STXBP5L: variants seen among roughly 807,000 people sequenced by gnomAD.
STXBP5L encodes syntaxin binding protein 5L, also known as syntaxin-binding protein 5-like.
A neutral mutation model predicts 144.5 loss-of-function variants in STXBP5L; 65 were observed. That is an observed-to-expected ratio of 0.45 (90% CI 0.37 to 0.55). STXBP5L has a LOEUF of 0.55. Ranked by LOEUF, STXBP5L falls within the 20% of genes least tolerant of loss-of-function variation. The pLI is 0.00. For synonymous variants in STXBP5L, 505 were observed against 469.6 expected (o/e 1.08, Z -0.97); for missense variants, 1,298 against 1,405.5 (o/e 0.92, Z 1.22).
chr3:121,217,624 T>C (rs933866229), intron 10 of STXBP5L, among the ~76,000 whole-genome samples: 1 of 152,176 alleles, frequency 6.6e-6, no homozygotes, highest in African/African-American at 2.4e-5. Context: ...CTGTTCCTAT[T>C]TGGCCATCTT....
intron 7 of STXBP5L, among the ~76,000 whole-genome samples, chr3:121,129,822 T>A (rs2044888613): frequency 6.6e-6 from 1 of 152,012 alleles, no homozygotes; most frequent in African/African-American, 2.4e-5. Flanking sequence ...TTATAACTCA[T>A]AAGATTCATG....
chr3:121,140,240 T>A (rs1199433329), intron 7 of STXBP5L, among the ~76,000 whole-genome samples: 1 of 152,072 alleles, frequency 6.6e-6, no homozygotes, highest in African/African-American at 2.4e-5. Context: ...GAATTGCCAT[T>A]ATCAAAAAGA....
At chr3:121,143,977 T>C (rs2045612767) in intron 7 of STXBP5L, among the ~76,000 whole-genome samples, 1 of 151,448 alleles carries the variant, frequency 6.6e-6, no homozygotes, top group African/African-American at 2.4e-5. Flanking sequence ...AAAACAAAAA[T>C]AAACATGTAG....
At chr3:120,960,069 C>CA (rs1266769340) in intron 3 of STXBP5L, among the ~76,000 whole-genome samples, 4 of 152,004 alleles carry the variant, frequency 2.6e-5, no homozygotes, top group African/African-American at 9.7e-5. Flanking sequence ...CAGAAAAAAA[C>CA]AAACAACCCC....
intron 9 of STXBP5L, among the ~76,000 whole-genome samples, chr3:121,169,017 A>T (rs753798357): frequency 1.1e-4 from 16 of 152,242 alleles, no homozygotes; most frequent in Non-Finnish European, 2.1e-4. Context: ...AAGCCAGAAG[A>T]GAGTGGGGAC....
At chr3:121,295,589 T>G (rs1394017091) in intron 19 of STXBP5L, among the ~76,000 whole-genome samples, 1 of 152,110 alleles carries the variant, frequency 6.6e-6, no homozygotes, top group Non-Finnish European at 1.5e-5. Flanking sequence ...CCTAGCAGTA[T>G]GTGTGAATTT....
chr3:121,265,114 A>G (rs953555342), intron 18 of STXBP5L, among the ~76,000 whole-genome samples: 26 of 152,236 alleles, frequency 1.7e-4, no homozygotes, highest in African/African-American at 6.0e-4. Context: ...CAGCTCTGGA[A>G]CAAGTGGACC....
intron 2 of STXBP5L, among the ~76,000 whole-genome samples, chr3:120,920,498 A>G (rs1709310218): frequency 6.6e-6 from 1 of 151,836 alleles, no homozygotes; most frequent in Admixed American, 6.6e-5. Flanking sequence ...CTTTATGCTA[A>G]AAACATTAGA....
chr3:121,382,510 T>A (rs1369267986), intron 22 of STXBP5L, among the ~76,000 whole-genome samples: 1 of 152,040 alleles, frequency 6.6e-6, no homozygotes, highest in African/African-American at 2.4e-5. Context: ...TTAGTTGGAG[T>A]CAAATCAGTG....
intron 2 of STXBP5L, among the ~76,000 whole-genome samples, chr3:120,916,264 T>C (rs1462441569): frequency 6.6e-6 from 1 of 152,158 alleles, no homozygotes; most frequent in Non-Finnish European, 1.5e-5. Context: ...AAATATTGTA[T>C]TTGTTTTAGT....
At chr3:121,151,632 C>T (rs1240121023) in intron 7 of STXBP5L, among the ~76,000 whole-genome samples, 1 of 152,022 alleles carries the variant, frequency 6.6e-6, no homozygotes, top group African/African-American at 2.4e-5. Flanking sequence ...AGGAATACTA[C>T]TAATGTATTT....
intron 22 of STXBP5L, among the ~76,000 whole-genome samples, chr3:121,395,973 T>C (rs1560053884): frequency 6.6e-6 from 1 of 152,222 alleles, no homozygotes; most frequent in Non-Finnish European, 1.5e-5. Context: ...GTTTCAGGTG[T>C]CTTGATGGTA....
intron 19 of STXBP5L, among the ~76,000 whole-genome samples, chr3:121,301,920 T>C (rs1316783697): frequency 1.3e-5 from 2 of 152,178 alleles, no homozygotes; most frequent in Non-Finnish European, 2.9e-5. Flanking sequence ...TGGATAAGCG[T>C]TTTGATGTAC....
At chr3:121,053,272 C>G (rs1299518409) in intron 5 of STXBP5L, among the ~76,000 whole-genome samples, 1 of 152,126 alleles carries the variant, frequency 6.6e-6, no homozygotes, top group Non-Finnish European at 1.5e-5. Context: ...CAAAAAAATC[C>G]CCCATTGCCA....
intron 2 of STXBP5L, 30 bp downstream of exon 2, chr3:120,909,797 A>C: frequency 6.3e-7 from 1 of 1,583,384 alleles, no homozygotes; most frequent in African/African-American, 1.4e-5. Flanking sequence ...AAAGCCTATT[A>C]TTTCTTTATT....
chr3:121,048,820 G>A (rs1361253052), intron 5 of STXBP5L, among the ~76,000 whole-genome samples: 3 of 152,128 alleles, frequency 2.0e-5, no homozygotes, highest in South Asian at 4.2e-4. Context: ...TGAGTAGCTG[G>A]GACTACAGGT....
At chr3:121,145,927 G>C (rs1458867516) in intron 7 of STXBP5L, among the ~76,000 whole-genome samples, 1 of 152,012 alleles carries the variant, frequency 6.6e-6, no homozygotes, top group Non-Finnish European at 1.5e-5. Context: ...CCAGTTTATT[G>C]AGCTTAGGAT....
chr3:121,294,745 A>G (rs2051580613), intron 19 of STXBP5L, among the ~76,000 whole-genome samples: 1 of 152,108 alleles, frequency 6.6e-6, no homozygotes, highest in Admixed American at 6.6e-5. Flanking sequence ...GTTGCCAGGG[A>G]GAAGAGAAAA....
chr3:121,182,614 A>T (rs1368805106), intron 9 of STXBP5L, among the ~76,000 whole-genome samples: 1 of 152,168 alleles, frequency 6.6e-6, no homozygotes. Flanking sequence ...AACAAACTAA[A>T]TCCAAACCCA....
Sources: gnomAD v4.1 joint callset for allele counts (sites outside exome capture counted in the v4.1 genomes callset) on GRCh38, gnomAD v4.1.1 for gene constraint, MANE v1.5 for transcripts, NCBI Gene and HGNC (gene_info 2026-07-23, HGNC 2026-07-21) for gene names.